The following VSTM4 variants were observed in gnomAD, a reference collection of about 807,000 sequenced individuals.
VSTM4 encodes the protein V-set and transmembrane domain-containing protein 4.
In VSTM4, 20 loss-of-function variants were observed where a neutral mutation model predicts 36.4. The ratio of observed to expected loss-of-function variants is 0.55; its 90% CI spans 0.39 to 0.80. The LOEUF is 0.80. VSTM4 is among the 30% of genes least tolerant of loss of function. The pLI is 0.00. For synonymous variants in VSTM4, 182 were observed against 173.9 expected (o/e 1.05, Z -0.37); for missense variants, 392 against 404.5 (o/e 0.97, Z 0.26).
At chr10:49,114,564 G>C (rs975317382) in intron 1 of VSTM4, among the ~76,000 whole-genome samples, 3 of 148,780 alleles carry the variant, frequency 2.0e-5, no homozygotes, top group African/African-American at 7.6e-5. Context: ...AGAGGTTATT[G>C]GTGAGATTAA....
intron 5 of VSTM4, among the ~76,000 whole-genome samples, chr10:49,050,729 G>C (rs1843684289): frequency 6.6e-6 from 1 of 152,144 alleles, no homozygotes. Flanking sequence ...ATAAACTCTT[G>C]AAATGCCTAT....
intron 5 of VSTM4, among the ~76,000 whole-genome samples, chr10:49,054,261 C>G (rs1048293259): frequency 6.6e-6 from 1 of 152,244 alleles, no homozygotes; most frequent in Non-Finnish European, 1.5e-5. Context: ...ACAGTGGCTA[C>G]TCCCAGTTTA....
chr10:49,038,311 C>T (rs1843464597), intron 7 of VSTM4, among the ~76,000 whole-genome samples: 1 of 152,108 alleles, frequency 6.6e-6, no homozygotes, highest in African/African-American at 2.4e-5. Context: ...CACACAGCAA[C>T]GTGGATGAAT....
chr10:49,063,352 T>C (rs1477779386), intron 5 of VSTM4, among the ~76,000 whole-genome samples: 5 of 152,176 alleles, frequency 3.3e-5, no homozygotes, highest in African/African-American at 9.7e-5. Flanking sequence ...AGAAAAAAAC[T>C]GCTTCAAAAT....
chr10:49,025,804 C>T (rs1843251875), intron 7 of VSTM4, among the ~76,000 whole-genome samples: 2 of 152,260 alleles, frequency 1.3e-5, no homozygotes, highest in Non-Finnish European at 2.9e-5. Context: ...GGGGCCGAGA[C>T]AGATCCTGCA....
chr10:49,098,067 G>A (rs1471225222), intron 2 of VSTM4, among the ~76,000 whole-genome samples: 1 of 152,134 alleles, frequency 6.6e-6, no homozygotes, highest in Non-Finnish European at 1.5e-5. Flanking sequence ...CCACCCCTTG[G>A]AGAGAGGGAG....
At chr10:49,095,319 A>T (rs1844550141) in intron 2 of VSTM4, among the ~76,000 whole-genome samples, 1 of 152,072 alleles carries the variant, frequency 6.6e-6, no homozygotes, top group Non-Finnish European at 1.5e-5. Flanking sequence ...AGAGAAAAAG[A>T]GCTTGGATCA....
chr10:49,040,089 T>C (rs950841635), intron 7 of VSTM4, among the ~76,000 whole-genome samples: 7 of 152,162 alleles, frequency 4.6e-5, no homozygotes, highest in Non-Finnish European at 7.3e-5. Flanking sequence ...GGAGCACTGA[T>C]ATATGGGAAT....
chr10:49,026,514 A>T (rs1843264364), intron 7 of VSTM4, among the ~76,000 whole-genome samples: 1 of 152,258 alleles, frequency 6.6e-6, no homozygotes, highest in African/African-American at 2.4e-5. Flanking sequence ...AGTGAAATAC[A>T]TAAAATAAAC....
At position 49,104,766 on chromosome 10, in the gene VSTM4, GAGAT is replaced by G. The variant is rs1360543029; in HGVS notation, c.457+2824_457+2827del. On this transcript the variant is annotated intron_variant, in intron 2 of 7. Coordinates refer to ENST00000332853, the MANE Select transcript of VSTM4 (RefSeq NM_001031746.5). ...GGCGAGAGAAGTGGAGAGACACAGA[GAGAT>G]AGAGAGATACAGAGAGAGAGACACA... Among the ~76,000 whole-genome samples the G allele has an allele frequency of 2.6e-5, 4 of 151,782 alleles. No individual in the cohort carries two copies. The East Asian group carries it at 7.7e-4, about 29-fold the overall frequency.
In VSTM4 at chr10:49,064,754, A is replaced by G. The variant is rs773446972; in HGVS notation, c.635-18T>C. 4 of 1,611,392 alleles carry G rather than the reference A, an allele frequency of 2.5e-6. No individual in the cohort carries two copies. The South Asian group carries it at 4.4e-5, about 18-fold the overall frequency. ...ATGTCTCACTGTGAAAGGAAAAATA[A>G]TAGAAGATGGTAAACCAATGCTACT... is the stretch of plus-strand genomic sequence containing the variant. On this transcript the variant is annotated intron_variant, in intron 4 of 7. Coordinates refer to ENST00000332853, the MANE Select transcript of VSTM4 (RefSeq NM_001031746.5).
chr10:49,022,943 G>A (rs1843204064), intron 7 of VSTM4, among the ~76,000 whole-genome samples: 1 of 152,130 alleles, frequency 6.6e-6, no homozygotes, highest in African/African-American at 2.4e-5. Context: ...TGGCTGATGT[G>A]TTGTTTTCAT....
chr10:49,046,835 T>A, intron 7 of VSTM4, 148 bp downstream of exon 7: 1 of 763,900 alleles, frequency 1.3e-6, no homozygotes, highest in Non-Finnish European at 2.2e-6. Flanking sequence ...ACTCAAAAGC[T>A]GGCATCTGAG....
intron 5 of VSTM4, among the ~76,000 whole-genome samples, chr10:49,057,617 C>A (rs768161639): frequency 6.6e-6 from 1 of 152,202 alleles, no homozygotes; most frequent in African/African-American, 2.4e-5. Context: ...CCCACTCCCA[C>A]CCCTGCCTGG....
At chr10:49,093,698 C>T (rs1258618840) in intron 2 of VSTM4, among the ~76,000 whole-genome samples, 1 of 149,704 alleles carries the variant, frequency 6.7e-6, no homozygotes, top group Non-Finnish European at 1.5e-5. Flanking sequence ...GTTTTCTTCA[C>T]TTTCTAGAAT....
chr10:49,099,875 G>A (rs963400237), intron 2 of VSTM4, among the ~76,000 whole-genome samples: 1 of 152,142 alleles, frequency 6.6e-6, no homozygotes, highest in Non-Finnish European at 1.5e-5. Context: ...AAAATTAGCT[G>A]GGTGGTGGCT....
chr10:49,098,944 C>T (rs941569030), intron 2 of VSTM4, among the ~76,000 whole-genome samples: 11 of 152,226 alleles, frequency 7.2e-5, no homozygotes, highest in African/African-American at 2.7e-4. Context: ...TGATGGACAT[C>T]ATCAATACTA....
intron 2 of VSTM4, among the ~76,000 whole-genome samples, chr10:49,088,003 T>G (rs1315865921): frequency 6.8e-6 from 1 of 147,948 alleles, no homozygotes; most frequent in Non-Finnish European, 1.5e-5. Context: ...TATATACACA[T>G]GTAATATATG....
chr10:49,072,651 C>T (rs186810463), intron 4 of VSTM4, among the ~76,000 whole-genome samples: 6 of 152,314 alleles, frequency 3.9e-5, no homozygotes, highest in Admixed American at 6.5e-5. Context: ...ACAGTGCCAG[C>T]GTCCAGTCTA....
Sources: allele counts gnomAD v4.1 joint callset (sites outside exome capture counted in the v4.1 genomes callset), GRCh38; gene constraint gnomAD v4.1.1; transcripts MANE v1.5; gene names NCBI Gene and HGNC (gene_info 2026-07-23, HGNC 2026-07-21).